The following TAFA4 variants were observed in gnomAD, a reference collection of about 807,000 sequenced individuals.
TAFA4 encodes the protein chemokine-like protein TAFA-4.
A neutral mutation model predicts 21.1 loss-of-function variants in TAFA4; 20 were observed. That is an observed-to-expected ratio of 0.95 (90% confidence interval 0.67 to 1.38). The LOEUF is 1.38. Ranked by LOEUF, TAFA4 falls within the 40% of genes most tolerant of loss-of-function variation. The pLI is 0.00. For synonymous variants in TAFA4, 71 were observed against 67.4 expected, an observed-to-expected ratio of 1.05 and a Z score of -0.26; for missense variants, 211 against 180.9, an observed-to-expected ratio of 1.17 and a Z score of -0.95.
At chr3:68,838,085 T>A (rs576363396) in intron 3 of TAFA4, among the ~76,000 whole-genome samples, 1 of 152,276 alleles carries the variant, frequency 6.6e-6, no homozygotes, top group South Asian at 2.1e-4. Context: ...ATAGTCACTG[T>A]ATGACTATAG....
chr3:68,835,309 C>T (rs1380796378), intron 3 of TAFA4, among the ~76,000 whole-genome samples: 1 of 152,144 alleles, frequency 6.6e-6, no homozygotes, highest in Non-Finnish European at 1.5e-5. Context: ...ACTTTTTTCT[C>T]TTTGTTCACT....
intron 1 of TAFA4, among the ~76,000 whole-genome samples, chr3:68,890,373 G>A (rs915048891): frequency 4.6e-5 from 7 of 152,102 alleles, no homozygotes; most frequent in Admixed American, 1.3e-4. Flanking sequence ...AAAGCCTTCA[G>A]TTTATAAAAT....
At chr3:68,861,489 T>G (rs931116469) in intron 3 of TAFA4, among the ~76,000 whole-genome samples, 7 of 151,998 alleles carry the variant, frequency 4.6e-5, no homozygotes, top group African/African-American at 1.4e-4. Context: ...GCCCCTAACC[T>G]TTAGAAACTC....
At chr3:68,735,970 G>A (rs748992405) in intron 5 of TAFA4, among the ~76,000 whole-genome samples, 4 of 152,010 alleles carry the variant, frequency 2.6e-5, no homozygotes, top group Non-Finnish European at 2.9e-5. Context: ...AGAAATATCC[G>A]AGACATTGCC....
intron 3 of TAFA4, among the ~76,000 whole-genome samples, chr3:68,837,842 TTG>T (rs1704558325): frequency 6.6e-6 from 1 of 152,038 alleles, no homozygotes; most frequent in African/African-American, 2.4e-5. Context: ...TTGTTTTGGT[TTG>T]TGTTTTTTTT....
chr3:68,793,093 T>C (rs1452316039), intron 3 of TAFA4, among the ~76,000 whole-genome samples: 1 of 152,184 alleles, frequency 6.6e-6, no homozygotes, highest in Non-Finnish European at 1.5e-5. Flanking sequence ...ATCTCAATTT[T>C]GGCAGGCAAA....
At chr3:68,794,055 T>C (rs1365104451) in intron 3 of TAFA4, among the ~76,000 whole-genome samples, 1 of 152,198 alleles carries the variant, frequency 6.6e-6, no homozygotes, top group Non-Finnish European at 1.5e-5. Context: ...GTATAAACCC[T>C]GATTTTTTTC....
intron 3 of TAFA4, among the ~76,000 whole-genome samples, chr3:68,777,929 T>C (rs906916571): frequency 4.6e-5 from 7 of 152,140 alleles, no homozygotes; most frequent in African/African-American, 1.7e-4. Flanking sequence ...GTCAATAACA[T>C]CTAGGTTTAT....
At chr3:68,898,005 T>C (rs1025026309) in intron 1 of TAFA4, among the ~76,000 whole-genome samples, 1 of 152,170 alleles carries the variant, frequency 6.6e-6, no homozygotes, top group Non-Finnish European at 1.5e-5. Context: ...GACAAAGGAC[T>C]GGTCAGGTTT....
chr3:68,858,057 C>T (rs1705110453), intron 3 of TAFA4, among the ~76,000 whole-genome samples: 1 of 152,118 alleles, frequency 6.6e-6, no homozygotes. Flanking sequence ...CCTCTGTGGA[C>T]TGTCAGATGC....
At chr3:68,756,490 T>G (rs1026212072) in intron 3 of TAFA4, among the ~76,000 whole-genome samples, 1 of 152,210 alleles carries the variant, frequency 6.6e-6, no homozygotes, top group Admixed American at 6.5e-5. Context: ...AAAACCAATT[T>G]AAAAATATTC....
At chr3:68,842,984 G>A (rs908173794) in intron 3 of TAFA4, among the ~76,000 whole-genome samples, 39 of 152,138 alleles carry the variant, frequency 2.6e-4, no homozygotes, top group African/African-American at 7.5e-4. Context: ...CTCCAGCTTC[G>A]TTCTTTTCAC....
At chr3:68,786,505 GAGTT>G (rs1703265155) in intron 3 of TAFA4, among the ~76,000 whole-genome samples, 1 of 152,202 alleles carries the variant, frequency 6.6e-6, no homozygotes, top group East Asian at 1.9e-4. Context: ...AAGAAGGAAA[GAGTT>G]AGCTATGGTT....
At chr3:68,748,043 C>T (rs1702491355) in intron 4 of TAFA4, among the ~76,000 whole-genome samples, 1 of 152,158 alleles carries the variant, frequency 6.6e-6, no homozygotes, top group Non-Finnish European at 1.5e-5. Flanking sequence ...CAAGGGGCAG[C>T]ATCCCTGACC....
intron 3 of TAFA4, among the ~76,000 whole-genome samples, chr3:68,836,798 G>A (rs1357191122): frequency 6.7e-6 from 1 of 150,300 alleles, no homozygotes; most frequent in East Asian, 1.9e-4. Context: ...CAGGGTTCAA[G>A]TCCTGACTAT....
chr3:68,747,962 G>A (rs151251168), intron 4 of TAFA4, among the ~76,000 whole-genome samples: 20 of 152,134 alleles, frequency 1.3e-4, no homozygotes, highest in Admixed American at 7.8e-4. Flanking sequence ...CATATGCTTC[G>A]TGCTGCCTTG....
chr3:68,754,557 C>T (rs1447373992), intron 3 of TAFA4, among the ~76,000 whole-genome samples: 1 of 152,192 alleles, frequency 6.6e-6, no homozygotes, highest in Non-Finnish European at 1.5e-5. Context: ...AATGTCCTTT[C>T]ATCCCATTAT....
chr3:68,738,124 T>TTCAA (rs1334572670), intron 5 of TAFA4, among the ~76,000 whole-genome samples: 5 of 152,068 alleles, frequency 3.3e-5, no homozygotes, highest in African/African-American at 1.2e-4. Context: ...GGAGCCTGAA[T>TTCAA]TCAATCAGGA....
In TAFA4 at chr3:68,846,086, C is replaced by G. The variant is rs372209242; in HGVS notation, c.130+34644G>C. Among the ~76,000 whole-genome samples the G allele has an allele frequency of 9.9e-5, 15 of 152,204 alleles. No homozygotes were observed. The East Asian group carries it at 2.7e-3, about 28-fold the overall frequency. On this transcript the variant is annotated intron_variant, in intron 3 of 5. Transcript: ENST00000295569. Reference sequence around the variant, plus strand: ...GTCTTGCTAGGTTGGGGAAGTTCTCCTGGATAATATTCTGAAGAGTGTTTT... The same window carrying G: ...GTCTTGCTAGGTTGGGGAAGTTCTCGTGGATAATATTCTGAAGAGTGTTTT...
Sources: gnomAD v4.1 joint callset for allele counts (sites outside exome capture counted in the v4.1 genomes callset) on GRCh38, gnomAD v4.1.1 for gene constraint, MANE v1.5 for transcripts, NCBI Gene and HGNC (gene_info 2026-07-23, HGNC 2026-07-21) for gene names.